The following NR1H4 variants were observed in gnomAD, a reference collection of about 807,000 sequenced individuals.
NR1H4 encodes the protein nuclear receptor subfamily 1 group H member 4, also known as bile acid receptor.
In NR1H4, 23 loss-of-function variants were observed where a neutral mutation model predicts 58.5. The observed-to-expected ratio is 0.39, with a 90% CI of 0.28 to 0.56. NR1H4 has a LOEUF of 0.56. Among genes scored for constraint, NR1H4 ranks in the 20% least tolerant of loss-of-function variants. NR1H4 has a pLI of 0.58. For missense variants in NR1H4, 487 were observed against 576.9 expected (o/e 0.84, Z 1.60); for synonymous variants, 214 against 198.0 (o/e 1.08, Z -0.68).
intron 9 of NR1H4, among the ~76,000 whole-genome samples, chr12:100,559,583 G>T (rs1316167512): frequency 6.6e-6 from 1 of 152,196 alleles, no homozygotes; most frequent in Admixed American, 6.5e-5. Flanking sequence ...CCGGCGCTGC[G>T]CTGGATTTCT....
intron 8 of NR1H4, among the ~76,000 whole-genome samples, chr12:100,540,202 C>T (rs1020117206): frequency 1.3e-5 from 2 of 152,178 alleles, no homozygotes; most frequent in African/African-American, 2.4e-5. Context: ...GATACATCAA[C>T]ATGACTTTGG....
At chr12:100,498,423 G>A (rs1298658501) in intron 3 of NR1H4, among the ~76,000 whole-genome samples, 1 of 152,154 alleles carries the variant, frequency 6.6e-6, no homozygotes, top group Non-Finnish European at 1.5e-5. Context: ...CGGATCACCA[G>A]AGGTCAGGAG....
intron 2 of NR1H4, among the ~76,000 whole-genome samples, chr12:100,493,052 A>G (rs901820097): frequency 6.6e-6 from 1 of 152,160 alleles, no homozygotes. Context: ...ATAAATTAGT[A>G]TCTTTTATGC....
At chr12:100,493,459 A>C in intron 3 of NR1H4, 57 bp downstream of exon 3, 1 of 857,742 alleles carries the variant, frequency 1.2e-6, no homozygotes, top group South Asian at 1.4e-5. Flanking sequence ...TTGGAAATAC[A>C]TGAGGAAATG....
chr12:100,541,313 T>C (rs368839443), intron 9 of NR1H4, among the ~76,000 whole-genome samples: 19 of 152,064 alleles, frequency 1.2e-4, no homozygotes, highest in East Asian at 9.7e-4. Context: ...GACACAGTCT[T>C]GCTCTTTGCC....
intron 4 of NR1H4, among the ~76,000 whole-genome samples, chr12:100,522,151 A>T (rs774164160): frequency 6.6e-6 from 1 of 151,880 alleles, no homozygotes; most frequent in East Asian, 1.9e-4. Context: ...GGTGATGGTG[A>T]TGGTGATGGT....
chr12:100,556,481 AC>A (rs200187283), intron 9 of NR1H4, among the ~76,000 whole-genome samples: 7 of 151,324 alleles, frequency 4.6e-5, no homozygotes, highest in Non-Finnish European at 5.9e-5. Flanking sequence ...GAAAAAAAAA[AC>A]AAAAAACAAA....
chr12:100,513,139 T>C (rs1458907214), intron 4 of NR1H4, among the ~76,000 whole-genome samples: 2 of 152,218 alleles, frequency 1.3e-5, no homozygotes, highest in African/African-American at 4.8e-5. Context: ...GTAAATGAAC[T>C]TATACATTCG....
chr12:100,483,367 G>A (rs1044476820), intron 1 of NR1H4, among the ~76,000 whole-genome samples: 1 of 152,128 alleles, frequency 6.6e-6, no homozygotes, highest in African/African-American at 2.4e-5. Context: ...TAATTAAAAT[G>A]TTAATTTAAA....
rs73380066 is a variant in NR1H4 at position 100,548,093 on chromosome 12, T to A, written c.1078+7275T>A. Among the ~76,000 whole-genome samples, 125 of 148,802 alleles carry A rather than the reference T, an allele frequency of 8.4e-4. 1 individual carries two copies. The highest frequency in any genetic ancestry group is 2.3e-3 in the East Asian group (11 of 4,864). On this transcript the variant is annotated intron_variant, in intron 9 of 10. Transcript: ENST00000392986. ...GCCTGAAGAATACTTATGAGCTGAG[T>A]GCGGTGGCTCACACCTGTAATCCCA...
chr12:100,537,591 A>G (rs1433807754), intron 8 of NR1H4, among the ~76,000 whole-genome samples: 1 of 152,264 alleles, frequency 6.6e-6, no homozygotes, highest in Admixed American at 6.5e-5. Flanking sequence ...AATTGTGTCT[A>G]GGAAAGATGG....
In NR1H4 at chr12:100,493,323, G is replaced by T. The variant is rs56163822; in HGVS notation, c.-1G>T. 50,284 of 1,528,466 alleles carry T rather than the reference G, an allele frequency of 0.033. 2,047 individuals carry two copies. The highest frequency in any genetic ancestry group is 0.2 in the East Asian group (8,647 of 44,088). The allele number at this position is 1,528,466 out of a possible 1,614,324, so 94.7% of individuals were successfully genotyped here. A position where few individuals can be genotyped will look rare whatever the true frequency, so the allele number is the denominator to read the frequency against. On this transcript the variant is annotated 5_prime_UTR_variant, in exon 3 of 11. Coordinates refer to ENST00000392986, the MANE Select transcript of NR1H4 (RefSeq NM_001206979.2). ...AAGTGCATTTCAATTGAAAAATTTGGATGGGATCAAAAATGAATCTCATTG... is the reference window on the plus strand; with the variant it reads ...AAGTGCATTTCAATTGAAAAATTTGTATGGGATCAAAAATGAATCTCATTG...
intron 4 of NR1H4, among the ~76,000 whole-genome samples, chr12:100,522,069 T>G: frequency 6.6e-6 from 1 of 150,946 alleles, no homozygotes; most frequent in East Asian, 2.0e-4. Context: ...ACTCCCCACC[T>G]GTAAGATAAG....
intron 1 of NR1H4, among the ~76,000 whole-genome samples, chr12:100,487,507 T>C (rs1953516476): frequency 6.6e-6 from 1 of 150,976 alleles, no homozygotes; most frequent in Admixed American, 6.6e-5. Flanking sequence ...GGGTGGGGAA[T>C]GGGGGAGTCA....
At chr12:100,551,811 C>G (rs938850698) in intron 9 of NR1H4, among the ~76,000 whole-genome samples, 3 of 152,166 alleles carry the variant, frequency 2.0e-5, no homozygotes, top group African/African-American at 7.2e-5. Flanking sequence ...AATGGCTGCT[C>G]AAGTCCCTGA....
intron 1 of NR1H4, among the ~76,000 whole-genome samples, chr12:100,484,318 G>A (rs1953444888): frequency 6.6e-6 from 1 of 152,114 alleles, no homozygotes; most frequent in Non-Finnish European, 1.5e-5. Context: ...GTCTCCGATT[G>A]CAAATGGTTT....
intron 10 of NR1H4, 118 bp from the exon 11 acceptor site, chr12:100,563,133 C>A: frequency 1.2e-6 from 1 of 816,052 alleles, no homozygotes; most frequent in Non-Finnish European, 2.0e-6. Flanking sequence ...ACTTAATTTT[C>A]ACATTTTGTG....
Position 100,564,282 on chromosome 12 carries a change from C to T in NR1H4, c.*793C>T, listed in dbSNP as rs974324357. 1.3e-5 allele frequency: 2 copies of T among 152,210 alleles called. No homozygotes were observed. The highest frequency in any genetic ancestry group is 4.8e-5 in the African/African-American group (2 of 41,446). 9.4% of individuals were successfully genotyped at this position (152,210 alleles called of 1,614,324 possible). On this transcript the variant is annotated 3_prime_UTR_variant, in exon 11 of 11. Transcript: ENST00000392986. ...TGTTTTGCTTTTGAAAACATTCCTACAGCTGGGAGCACAGCTGCTGTATAC... is the reference window on the plus strand; with the variant it reads ...TGTTTTGCTTTTGAAAACATTCCTATAGCTGGGAGCACAGCTGCTGTATAC...
chr12:100,501,504 C>A (rs1953834219), intron 3 of NR1H4, among the ~76,000 whole-genome samples: 1 of 152,140 alleles, frequency 6.6e-6, no homozygotes, highest in South Asian at 2.1e-4. Context: ...AAAGTCCCAG[C>A]TTCATTCCTT....
Sources: allele counts gnomAD v4.1 joint callset (sites outside exome capture counted in the v4.1 genomes callset), GRCh38; gene constraint gnomAD v4.1.1; transcripts MANE v1.5; gene names NCBI Gene and HGNC (gene_info 2026-07-23, HGNC 2026-07-21).